The following INPP5D variants were observed in gnomAD, a reference collection of about 807,000 sequenced individuals.
INPP5D encodes phosphatidylinositol 3,4,5-trisphosphate 5-phosphatase 1.
INPP5D carries 33 observed loss-of-function variants against 122.9 expected under a neutral mutation model. The ratio of observed to expected loss-of-function variants is 0.27; its 90% CI spans 0.20 to 0.36. The LOEUF (loss-of-function observed/expected upper bound fraction) is 0.36. Ranked by LOEUF, INPP5D falls within the 10% of genes least tolerant of loss-of-function variation. INPP5D has a pLI of 1.00. For synonymous variants in INPP5D, 584 were observed against 576.2 expected (o/e 1.01, Z -0.19); for missense variants, 1,053 against 1,412.7 (o/e 0.75, Z 4.08).
intron 2 of INPP5D, among the ~76,000 whole-genome samples, chr2:233,113,130 C>A (rs923832673): frequency 3.3e-5 from 5 of 152,110 alleles, no homozygotes; most frequent in Non-Finnish European, 7.4e-5. Context: ...GAAGGGTAAT[C>A]CCCTTCTTGG....
chr2:233,060,733 C>T (rs745391458), intron 1 of INPP5D, 121 bp downstream of exon 1: 82 of 1,317,640 alleles, frequency 6.2e-5, no homozygotes, highest in Non-Finnish European at 8.1e-5. Context: ...CACACTTCCC[C>T]GCCACCCTGT....
intron 9 of INPP5D, among the ~76,000 whole-genome samples, chr2:233,157,114 G>T (rs148827642): frequency 0.17 from 25,463 of 152,058 alleles, 3,837 homozygotes; most frequent in African/African-American, 0.4. Flanking sequence ...TCTCAGACAC[G>T]CAAGGCCTCT....
intron 9 of INPP5D, among the ~76,000 whole-genome samples, chr2:233,155,907 C>T (rs1694041001): frequency 6.6e-6 from 1 of 152,196 alleles, no homozygotes; most frequent in African/African-American, 2.4e-5. Context: ...ATAGATTACG[C>T]CCTGTGTCAG....
chr2:233,076,996 G>A, intron 1 of INPP5D, among the ~76,000 whole-genome samples: 1 of 152,194 alleles, frequency 6.6e-6, no homozygotes, highest in East Asian at 1.9e-4. Context: ...AGGTCATTTA[G>A]CCAGCTGTCA....
At chr2:233,162,831 G>T (rs530886780) in intron 11 of INPP5D, among the ~76,000 whole-genome samples, 19 of 152,314 alleles carry the variant, frequency 1.2e-4, no homozygotes, top group African/African-American at 4.3e-4. Flanking sequence ...GGGGTCACTT[G>T]TCCCCTTCGG....
At chr2:233,162,291 T>C (rs1056567234) in intron 11 of INPP5D, among the ~76,000 whole-genome samples, 1 of 150,968 alleles carries the variant, frequency 6.6e-6, no homozygotes, top group Non-Finnish European at 1.5e-5. Context: ...AAATTTTAAC[T>C]TCATAGAAAC....
intron 25 of INPP5D, among the ~76,000 whole-genome samples, chr2:233,201,126 C>A (rs1285268442): frequency 6.6e-6 from 1 of 152,058 alleles, no homozygotes; most frequent in Non-Finnish European, 1.5e-5. Context: ...GGTGTCAGAC[C>A]CTGGTCATTC....
intron 13 of INPP5D, among the ~76,000 whole-genome samples, chr2:233,168,581 G>A (rs937658565): frequency 1.2e-4 from 18 of 152,248 alleles, no homozygotes; most frequent in African/African-American, 4.1e-4. Flanking sequence ...TTCCAGTAAC[G>A]TGTTCTTTAC....
rs1048194136 is a variant in INPP5D, at chr2:233,177,439, G to C, written c.2071+93G>C. 4.4e-6 allele frequency: 7 copies of C among 1,598,250 alleles called. No homozygotes were observed. Among genetic ancestry groups the C allele is most frequent in the Non-Finnish European group, 4.3e-6 (5 of 1,168,834 alleles). ...CCCTAAAATCTAAGGGCTTCAGTCTGTTGATGTGTCAAAGGGAGGAATTCA... is the reference window on the plus strand; with the variant it reads ...CCCTAAAATCTAAGGGCTTCAGTCTCTTGATGTGTCAAAGGGAGGAATTCA... On this transcript the variant is annotated intron_variant, in intron 18 of 26. Coordinates refer to ENST00000445964, the MANE Select transcript of INPP5D (RefSeq NM_001017915.3). The surrounding 1 kb of genome is among the most constrained non-coding windows in gnomAD (Gnocchi z 4.2).
At chr2:233,098,527 C>T (rs772862936) in intron 2 of INPP5D, among the ~76,000 whole-genome samples, 7 of 152,136 alleles carry the variant, frequency 4.6e-5, no homozygotes, top group African/African-American at 1.4e-4. Flanking sequence ...GAGCAGAAAT[C>T]GGCCTCCTAT....
intron 22 of INPP5D, 36 bp from the exon 23 acceptor site, chr2:233,193,776 G>T (rs547111097): frequency 6.2e-7 from 1 of 1,613,428 alleles, no homozygotes; most frequent in African/African-American, 1.3e-5. Context: ...TGAAAAGGCA[G>T]GGTCTTCACC....
At chr2:233,102,373 G>A (rs369796844) in intron 2 of INPP5D, among the ~76,000 whole-genome samples, 1 of 152,110 alleles carries the variant, frequency 6.6e-6, no homozygotes, top group Non-Finnish European at 1.5e-5. Context: ...CCCAGTCCCC[G>A]CCTCTCCCTA....
At chr2:233,065,563 TTTTC>T (rs1302620824) in intron 1 of INPP5D, among the ~76,000 whole-genome samples, 1 of 137,226 alleles carries the variant, frequency 7.3e-6, no homozygotes, top group Admixed American at 7.4e-5. Flanking sequence ...CACCCAGCCT[TTTTC>T]TTTCTTTCTT....
chr2:233,107,601 C>T (rs1041783413), intron 2 of INPP5D, among the ~76,000 whole-genome samples: 8 of 152,250 alleles, frequency 5.3e-5, no homozygotes, highest in Admixed American at 2.0e-4. Flanking sequence ...AGAGGAATGT[C>T]GAAGAACCTA....
At chr2:233,130,466 G>T in intron 4 of INPP5D, 42 bp from the exon 5 acceptor site, 1 of 1,602,250 alleles carries the variant, frequency 6.2e-7, no homozygotes, top group Admixed American at 1.7e-5. Flanking sequence ...GTGGCTAAAA[G>T]AAACAGGCAA....
In INPP5D at chr2:233,197,184, G is replaced by C. The variant is rs1323671939; in HGVS notation, c.2694-911G>C. On this transcript the variant is annotated intron_variant, in intron 24 of 26. Transcript: ENST00000445964. The surrounding 1 kb of genome is among the most constrained non-coding windows in gnomAD (Gnocchi z 4.4). ...GTGTCCCTGACAGCCTATACGCTCA[G>C]AACTCAGTTCTCAGGAGGCCGGTGC... is the stretch of plus-strand genomic sequence containing the variant. Among the ~76,000 whole-genome samples, 2 of 152,230 alleles carry C rather than the reference G, an allele frequency of 1.3e-5. No individual in the cohort carries two copies. Among genetic ancestry groups the C allele is most frequent in the African/African-American group, 4.8e-5 (2 of 41,462 alleles).
rs976286660 is a variant in INPP5D, at chr2:233,082,470, C to T, written c.198+3072C>T. Among the ~76,000 whole-genome samples, 4 of 152,182 alleles carry T rather than the reference C, an allele frequency of 2.6e-5. No individual in the cohort carries two copies. Among genetic ancestry groups the T allele is most frequent in the Non-Finnish European group, 4.4e-5 (3 of 68,034 alleles). ...GAGCCTGTTCAGTGCCACCAGAATA[C>T]GAGGCTCCCCAAAATAAGAATCTGG... On this transcript the variant is annotated intron_variant, in intron 2 of 26. Coordinates refer to ENST00000445964, the MANE Select transcript of INPP5D (RefSeq NM_001017915.3). This position sits in a 1 kb window ranked among gnomAD's most constrained non-coding sequence, Gnocchi z 4.7.
chr2:233,194,488 CTTTTTTTTTTTTT>C (rs544200839), intron 23 of INPP5D, among the ~76,000 whole-genome samples: 1 of 88,712 alleles, frequency 1.1e-5, no homozygotes, highest in East Asian at 3.6e-4. Flanking sequence ...TTCTAAACTG[CTTTTTTTTTTTTT>C]TTTTTTTTTT....
chr2:233,204,391 C>A lies in INPP5D; in HGVS notation c.3241C>A (p.Pro1081Thr), dbSNP rs767325812. The change falls in exon 26 of 27, where the codon CCC becomes ACC. Residue 1081 changes from proline (P) to threonine (T), a missense_variant. Around this residue, in one of 6 missense-constraint regions of INPP5D, gnomAD observed 417 missense variants for 425.8 expected, o/e 0.98. Coordinates refer to ENST00000445964, the MANE Select transcript of INPP5D (RefSeq NM_001017915.3). The stretch of plus-strand genomic sequence containing the variant: ...GGGGCCCGGCAAGCAGGTGCCCGCG[C>A]CCCGGCTGCGCTCCTTCACGTGCTC... The part of the protein sequence containing the change: ...GEGPGKQVPA[P>T]RLRSFTCSSS... The A allele has an allele frequency of 6.2e-7, 1 of 1,610,448 alleles. No individual in the cohort carries two copies. The highest frequency in any genetic ancestry group is 8.5e-7 in the Non-Finnish European group (1 of 1,178,636).
Sources: gnomAD v4.1 joint callset for allele counts (sites outside exome capture counted in the v4.1 genomes callset) on GRCh38, gnomAD v4.1.1 for gene constraint, gnomAD v4.1.1 regional missense constraint, Gnocchi (gnomAD v3.1) non-coding constraint, MANE v1.5 for transcripts, NCBI Gene and HGNC (gene_info 2026-07-23, HGNC 2026-07-21) for gene names.